Variants in FAM83B observed in about 807,000 individuals in gnomAD.
FAM83B encodes the protein protein FAM83B.
A neutral mutation model predicts 38.8 loss-of-function variants in FAM83B; 26 were observed. The observed-to-expected ratio is 0.67, with a 90% CI of 0.49 to 0.93. FAM83B has a LOEUF of 0.93. FAM83B is among the 40% of genes least tolerant of loss of function. FAM83B has a pLI of 0.00. For missense variants in FAM83B, 1,237 were observed against 1,197.3 expected (o/e 1.03, Z -0.49); for synonymous variants, 419 against 423.1 (o/e 0.99, Z 0.12).
Position 54,940,969 on chromosome 6 carries a change from G to T in FAM83B, c.1998G>T (p.Pro666=). The change falls in exon 5 of 5, where the codon CCG becomes CCT. Residue 666 remains proline, a synonymous_variant. Transcript: ENST00000306858. ...TENLLKRRSF[P]LFDNSKANLD... ...ATCTACTTAAAAGGCGAAGTTTCCC[G>T]TTATTTGACAACTCAAAAGCCAACT... is the stretch of plus-strand genomic sequence containing the variant. 6.2e-7 allele frequency: 1 copy of T among 1,613,774 alleles called. No individual in the cohort carries two copies. The highest frequency in any genetic ancestry group is 8.5e-7 in the Non-Finnish European group (1 of 1,179,934).
At position 54,870,762 on chromosome 6, in the gene FAM83B, A is replaced by G. The variant is rs1771834216; in HGVS notation, c.444+72A>G. 8.3e-6 allele frequency: 11 copies of G among 1,331,712 alleles called. No individual in the cohort carries two copies. In the South Asian group the frequency reaches 1.6e-4, roughly 20 times the overall value. 82.5% of individuals were successfully genotyped at this position (1,331,712 alleles called of 1,614,324 possible). On this transcript the variant is annotated intron_variant, in intron 2 of 4. Transcript: ENST00000306858. ...AAGTAGAGAGAGTAATAACACAAAT[A>G]TGTATGTTAATAAAAGAATCTCTAT...
chr6:54,902,291 C>G (rs1312846620), intron 2 of FAM83B, among the ~76,000 whole-genome samples: 3 of 152,142 alleles, frequency 2.0e-5, no homozygotes, highest in Non-Finnish European at 4.4e-5. Flanking sequence ...TGGCCTCAAG[C>G]AATCCTCCCT....
At chr6:54,901,225 C>G (rs1341820652) in intron 2 of FAM83B, among the ~76,000 whole-genome samples, 1 of 152,090 alleles carries the variant, frequency 6.6e-6, no homozygotes, top group East Asian at 1.9e-4. Context: ...CTGTTGTACT[C>G]CTCTTAATAC....
At chr6:54,868,136 T>G (rs546995946) in intron 1 of FAM83B, among the ~76,000 whole-genome samples, 2 of 152,240 alleles carry the variant, frequency 1.3e-5, no homozygotes, top group South Asian at 4.2e-4. Context: ...CTTCAATGAG[T>G]GTTGAAAGTT....
At chr6:54,930,860 A>G (rs1398809561) in intron 4 of FAM83B, among the ~76,000 whole-genome samples, 1 of 152,138 alleles carries the variant, frequency 6.6e-6, no homozygotes, top group Non-Finnish European at 1.5e-5. Context: ...CATATTTTTC[A>G]TATTTTATTA....
chr6:54,903,630 C>A (rs886667659), intron 2 of FAM83B, among the ~76,000 whole-genome samples: 1 of 151,972 alleles, frequency 6.6e-6, no homozygotes, highest in East Asian at 1.9e-4. Flanking sequence ...TTTATTATTT[C>A]CTAACTACAT....
chr6:54,861,970 T>G (rs1184736456), intron 1 of FAM83B, among the ~76,000 whole-genome samples: 1 of 152,136 alleles, frequency 6.6e-6, no homozygotes, highest in Non-Finnish European at 1.5e-5. Flanking sequence ...TCTGGAAGGT[T>G]TTCTCTAGAG....
In FAM83B at chr6:54,944,998, A is replaced by G. The variant is rs1369092281; in HGVS notation, c.*2991A>G. 1 of 152,188 alleles carries G rather than the reference A, an allele frequency of 6.6e-6. No individual in the cohort carries two copies. Among genetic ancestry groups the G allele is most frequent in the Non-Finnish European group, 1.5e-5 (1 of 68,030 alleles). The allele number at this position is 152,188 out of a possible 1,614,324, so 9.4% of individuals were successfully genotyped here. A position where few individuals can be genotyped will look rare whatever the true frequency, so the allele number is the denominator to read the frequency against. ...CCAGCCTCAGGTTCCTGAGTAGCTC[A>G]ACATTTTATGTATGTACGATATTAT... On this transcript the variant is annotated 3_prime_UTR_variant, in exon 5 of 5. Coordinates refer to ENST00000306858, the MANE Select transcript of FAM83B (RefSeq NM_001010872.3).
intron 1 of FAM83B, among the ~76,000 whole-genome samples, chr6:54,848,725 T>C (rs971427827): frequency 1.3e-5 from 2 of 152,190 alleles, no homozygotes; most frequent in African/African-American, 4.8e-5. Flanking sequence ...CAATACTGAG[T>C]TGCCAAAATG....
chr6:54,870,602 C>T lies in FAM83B; in HGVS notation c.356C>T (p.Thr119Ile), dbSNP rs1294758713. 1.9e-6 allele frequency: 3 copies of T among 1,613,748 alleles called. No homozygotes were observed. The South Asian group carries it at 3.3e-5, about 18-fold the overall frequency. Residue 119 changes from threonine to isoleucine, a missense_variant, in exon 2 of 5, where the codon ACC becomes ATC. By Grantham distance (89) the Thr-to-Ile change is moderately conservative. Coordinates refer to ENST00000306858, the MANE Select transcript of FAM83B (RefSeq NM_001010872.3). ...GTGATGCCCGGACTCTTAGGGGGCA[C>T]CCATATAGATCTCCTTTTTCATCCA... is the stretch of plus-strand genomic sequence containing the variant. ...PYVMPGLLGG[T>I]HIDLLFHPPR...
At chr6:54,876,319 A>T (rs1251293255) in intron 2 of FAM83B, among the ~76,000 whole-genome samples, 2 of 103,592 alleles carry the variant, frequency 1.9e-5, no homozygotes, top group African/African-American at 3.8e-5. Context: ...ATATATATAT[A>T]TGTTTTTGTT....
At chr6:54,889,933 A>G (rs760430013) in intron 2 of FAM83B, among the ~76,000 whole-genome samples, 9 of 152,084 alleles carry the variant, frequency 5.9e-5, no homozygotes, top group Admixed American at 2.6e-4. Context: ...ACAAACATAC[A>G]TAATTTAGTA....
chr6:54,873,326 T>C (rs1186936676), intron 2 of FAM83B, among the ~76,000 whole-genome samples: 1 of 152,116 alleles, frequency 6.6e-6, no homozygotes, highest in African/African-American at 2.4e-5. Context: ...AATTAAGTAA[T>C]CTGGGGAAAA....
At chr6:54,905,883 T>A (rs1352173888) in intron 2 of FAM83B, among the ~76,000 whole-genome samples, 1 of 152,008 alleles carries the variant, frequency 6.6e-6, no homozygotes, top group Non-Finnish European at 1.5e-5. Context: ...TTGCCCCCTA[T>A]AAACATGTTT....
intron 1 of FAM83B, among the ~76,000 whole-genome samples, chr6:54,851,939 G>A (rs532642172): frequency 2.6e-5 from 4 of 151,592 alleles, no homozygotes; most frequent in South Asian, 2.1e-4. Context: ...GAGCCACCGC[G>A]CCCGGCCTAA....
intron 1 of FAM83B, among the ~76,000 whole-genome samples, chr6:54,850,409 G>A (rs146824862): frequency 6.6e-6 from 1 of 152,088 alleles, no homozygotes; most frequent in African/African-American, 2.4e-5. Flanking sequence ...TGTTAACTAA[G>A]GTTTCCCCAC....
rs534558621 is a variant in FAM83B, at chr6:54,943,756, A to G, written c.*1749A>G. The G allele has an allele frequency of 2.0e-5, 3 of 152,292 alleles. No individual in the cohort carries two copies. The South Asian group carries it at 6.2e-4, about 32-fold the overall frequency. 9.4% of individuals were successfully genotyped at this position (152,292 alleles called of 1,614,324 possible). Reference sequence around the variant, plus strand: ...TAGTATTGGATAGGGAATTAGGATAATGAGCCATTAGGCAGTTCTGAAATG... The same window carrying G: ...TAGTATTGGATAGGGAATTAGGATAGTGAGCCATTAGGCAGTTCTGAAATG... On this transcript the variant is annotated 3_prime_UTR_variant, in exon 5 of 5. Transcript: ENST00000306858.
At chr6:54,914,725 T>C (rs1158339627) in intron 2 of FAM83B, among the ~76,000 whole-genome samples, 1 of 152,144 alleles carries the variant, frequency 6.6e-6, no homozygotes, top group Non-Finnish European at 1.5e-5. Flanking sequence ...CATAAACTGT[T>C]ATTGTATTTC....
chr6:54,886,454 T>C (rs1457803390), intron 2 of FAM83B, among the ~76,000 whole-genome samples: 1 of 152,126 alleles, frequency 6.6e-6, no homozygotes, highest in Non-Finnish European at 1.5e-5. Context: ...ATTTCTTCAA[T>C]AGGTCTAAGG....
Sources: allele counts gnomAD v4.1 joint callset (sites outside exome capture counted in the v4.1 genomes callset), GRCh38; gene constraint gnomAD v4.1.1; transcripts MANE v1.5; gene names NCBI Gene and HGNC (gene_info 2026-07-23, HGNC 2026-07-21).